BSCL2: variants seen among roughly 807,000 people sequenced by gnomAD.
The protein encoded by BSCL2 is seipin.
In BSCL2, 41 loss-of-function variants were observed where a neutral mutation model predicts 57.4. The ratio of observed to expected loss-of-function variants is 0.71; its 90% CI spans 0.56 to 0.93. BSCL2 has a LOEUF of 0.93. Among genes scored for constraint, BSCL2 ranks in the 40% least tolerant of loss-of-function variants. The probability of loss-of-function intolerance (pLI) is 0.00; values close to 1 mark genes in which losing one functional copy is unlikely to be tolerated. For synonymous variants in BSCL2, 237 were observed against 227.3 expected, an observed-to-expected ratio of 1.04 and a Z score of -0.38; for missense variants, 539 against 586.7, an observed-to-expected ratio of 0.92 and a Z score of 0.84.
Position 62,707,089 on chromosome 11 carries a change from G to T in BSCL2, c.87+20C>A. On this transcript the variant is annotated intron_variant, in intron 1 of 10. Transcript: ENST00000360796. ...TATTTCCAGTATATTTCTGCTGACTGTCCCCACAAGGGCCCCTACCTCCTC... is the reference window on the plus strand; with the variant it reads ...TATTTCCAGTATATTTCTGCTGACTTTCCCCACAAGGGCCCCTACCTCCTC... The T allele has an allele frequency of 1.3e-6, 2 of 1,547,202 alleles. No individual in the cohort carries two copies. Among genetic ancestry groups the T allele is most frequent in the African/African-American group, 1.4e-5 (1 of 72,916 alleles).
Position 62,691,276 on chromosome 11 carries a change from C to A in BSCL2, c.1005+4G>T, listed in dbSNP as rs367731146. On this transcript the variant is annotated splice_donor_region_variant and intron_variant, in intron 7 of 10. Transcript: ENST00000360796. The stretch of plus-strand genomic sequence containing the variant: ...GACAAAAGGGGGTCCTTGCCCCTTT[C>A]GACCTGCAAAGAGAAGCGGTGTCGG... 100 of 1,614,136 alleles carry A rather than the reference C, an allele frequency of 6.2e-5. No homozygotes were observed. In the African/African-American group the frequency reaches 1.0e-3, roughly 17 times the overall value.
At chr11:62,699,071 A>G (rs998553235) in intron 3 of BSCL2, among the ~76,000 whole-genome samples, 1 of 151,788 alleles carries the variant, frequency 6.6e-6, no homozygotes, top group Non-Finnish European at 1.5e-5. Context: ...ACGCCCAGCT[A>G]ATTTTTGTAT....
rs1554985037 is a variant in BSCL2 at position 62,702,556 on chromosome 11, G to T, written c.405-7C>A. 1.2e-6 allele frequency: 2 copies of T among 1,606,930 alleles called. No individual in the cohort carries two copies. Among genetic ancestry groups the T allele is most frequent in the African/African-American group, 1.3e-5 (1 of 74,860 alleles). On this transcript the variant is annotated splice_region_variant and splice_polypyrimidine_tract_variant and intron_variant, in intron 2 of 10. Transcript: ENST00000360796. Reference sequence around the variant, plus strand: ...GGAGGAATCACAGTCGGTCCTAAATGAGATTGGAGGAGGATACTCTGCTAA... The same window carrying T: ...GGAGGAATCACAGTCGGTCCTAAATTAGATTGGAGGAGGATACTCTGCTAA...
intron 2 of BSCL2, among the ~76,000 whole-genome samples, chr11:62,703,006 G>A (rs367788590): frequency 6.6e-6 from 1 of 151,914 alleles, no homozygotes. Flanking sequence ...CAAAATTAGC[G>A]GGGCGTGGTG....
chr11:62,692,547 C>A (rs1945341221), intron 5 of BSCL2, 74 bp from the exon 6 acceptor site: 1 of 1,610,958 alleles, frequency 6.2e-7, no homozygotes, highest in South Asian at 1.1e-5. Context: ...CTCATCTGAG[C>A]CCCACTTCCA....
intron 2 of BSCL2, among the ~76,000 whole-genome samples, chr11:62,704,647 G>A (rs554573922): frequency 2.6e-5 from 4 of 152,208 alleles, no homozygotes; most frequent in African/African-American, 9.6e-5. Flanking sequence ...AGCTACTTGG[G>A]AGGCTGAGGC....
At chr11:62,696,236 C>A (rs533558076) in intron 3 of BSCL2, among the ~76,000 whole-genome samples, 49 of 151,398 alleles carry the variant, frequency 3.2e-4, no homozygotes, top group Admixed American at 1.4e-3. Context: ...TCCTACCCCC[C>A]TGTAGAGACC....
intron 4 of BSCL2, among the ~76,000 whole-genome samples, chr11:62,693,851 G>A (rs533344389): frequency 7.3e-5 from 11 of 151,628 alleles, no homozygotes; most frequent in African/African-American, 2.4e-4. Flanking sequence ...TTTTGCTCTT[G>A]TTGCCCAGGC....
At chr11:62,709,038 A>G, upstream of BSCL2, 2 of 528,268 alleles carry the variant, frequency 3.8e-6, no homozygotes, top group Non-Finnish European at 7.0e-6. Flanking sequence ...CCTTTGCTCC[A>G]CCCACAGCAG....
chr11:62,706,239 C>G, intron 1 of BSCL2: 1 of 1,087,018 alleles, frequency 9.2e-7, no homozygotes, highest in Non-Finnish European at 1.1e-6. Context: ...CCGCCGGCTG[C>G]CACAGGGCTG....
At position 62,690,537 on chromosome 11, in the gene BSCL2, G is replaced by A; in HGVS notation, c.1235-16C>T. ...GAGCCTGAACCTGGGCCAGGAAAGGGAAAAACAAAATCTCAAATGGGATAT... is the reference window on the plus strand; with the variant it reads ...GAGCCTGAACCTGGGCCAGGAAAGGAAAAAACAAAATCTCAAATGGGATAT... On this transcript the variant is annotated splice_polypyrimidine_tract_variant and intron_variant, in intron 10 of 10. Transcript: ENST00000360796. 3 of 1,614,128 alleles carry A rather than the reference G, an allele frequency of 1.9e-6. No homozygotes were observed. The highest frequency in any genetic ancestry group is 2.5e-6 in the Non-Finnish European group (3 of 1,180,006).
chr11:62,697,775 C>G (rs1248576938), intron 3 of BSCL2, among the ~76,000 whole-genome samples: 1 of 145,268 alleles, frequency 6.9e-6, no homozygotes, highest in Non-Finnish European at 1.5e-5. Flanking sequence ...GCCTGGGCAA[C>G]AGAGAGAGAC....
At position 62,691,364 on chromosome 11, in the gene BSCL2, G is replaced by T. The variant is rs1041843205; in HGVS notation, c.921C>A (p.Phe307Leu). ...AGAGCACGATGACGCTGAGGAAGGTGAAGTTGCTGGCAACACCTATGAAGG... is the reference window on the plus strand; with the variant it reads ...AGAGCACGATGACGCTGAGGAAGGTTAAGTTGCTGGCAACACCTATGAAGG... ...TCAFIGVASN[F>L]TFLSVIVLFS... Residue 307 changes from phenylalanine (F) to leucine (L), a missense_variant, in exon 7 of 11, where the codon TTC becomes TTA. By Grantham distance (22) the Phe-to-Leu change is conservative. This residue lies in a region of BSCL2 where 248 missense variants were observed against 239.9 expected (regional missense o/e 1.03). Coordinates refer to ENST00000360796, the MANE Select transcript of BSCL2 (RefSeq NM_001122955.4). The T allele has an allele frequency of 2.5e-6, 4 of 1,614,214 alleles. No individual in the cohort carries two copies. The African/African-American group carries it at 5.3e-5, about 22-fold the overall frequency.
upstream of BSCL2, chr11:62,709,344 G>A: frequency 2.2e-6 from 1 of 454,058 alleles, no homozygotes; most frequent in Non-Finnish European, 4.4e-6. Flanking sequence ...GCGGGCGCGA[G>A]AGAGCGTCCA....
intron 3 of BSCL2, among the ~76,000 whole-genome samples, chr11:62,696,313 T>A (rs1037251595): frequency 4.6e-5 from 7 of 151,304 alleles, no homozygotes; most frequent in Non-Finnish European, 1.0e-4. Context: ...TGTGTGTGTG[T>A]GAAGACAAGG....
chr11:62,709,268 G>A, upstream of BSCL2: 2 of 454,332 alleles, frequency 4.4e-6, no homozygotes, highest in South Asian at 1.6e-5. Context: ...CCATACCCAG[G>A]GAAAAGGGCC....
At chr11:62,705,094 T>TA (rs1316913206) in intron 2 of BSCL2, among the ~76,000 whole-genome samples, 4 of 149,346 alleles carry the variant, frequency 2.7e-5, no homozygotes, top group Non-Finnish European at 3.0e-5. Context: ...TTTTTTTTTT[T>TA]AACCAGAATT....
chr11:62,691,254 A>G, intron 7 of BSCL2, 26 bp downstream of exon 7: 1 of 1,614,168 alleles, frequency 6.2e-7, no homozygotes. Context: ...TCAAAGGGAC[A>G]AAAGGGGGTC....
chr11:62,690,892 C>T, intron 8 of BSCL2, 25 bp from the exon 9 acceptor site: 1 of 1,612,278 alleles, frequency 6.2e-7, no homozygotes, highest in Non-Finnish European at 8.5e-7. Context: ...AGGGAGAGGA[C>T]AGGTTAGGGT....
Sources: gnomAD v4.1 joint callset for allele counts (sites outside exome capture counted in the v4.1 genomes callset) on GRCh38, gnomAD v4.1.1 for gene constraint, gnomAD v4.1.1 regional missense constraint, MANE v1.5 for transcripts, NCBI Gene and HGNC (gene_info 2026-07-23, HGNC 2026-07-21) for gene names.